The following SYNPR variants were observed in gnomAD, a reference collection of about 807,000 sequenced individuals.
SYNPR encodes the protein synaptoporin.
Under a neutral mutation model 32.9 loss-of-function variants are expected in SYNPR, and 23 were observed. That is an observed-to-expected ratio of 0.70 (90% CI 0.50 to 0.99). SYNPR has a LOEUF of 0.99. Ranked by LOEUF, SYNPR falls within the 50% of genes least tolerant of loss-of-function variation. The pLI is 0.00. For missense variants in SYNPR, 318 were observed against 349.3 expected (o/e 0.91, Z 0.71); for synonymous variants, 146 against 135.9 (o/e 1.07, Z -0.52).
chr3:63,248,494 A>C (rs2086307621), intron 1 of SYNPR, among the ~76,000 whole-genome samples: 1 of 152,122 alleles, frequency 6.6e-6, no homozygotes, highest in African/African-American at 2.4e-5. Context: ...ATAAATGGAC[A>C]CAGAGAAGGT....
intron 2 of SYNPR, among the ~76,000 whole-genome samples, chr3:63,413,334 CCA>C (rs2088494478): frequency 6.6e-6 from 1 of 152,040 alleles, no homozygotes; most frequent in South Asian, 2.1e-4. Context: ...TACCTTTTTG[CCA>C]CAGTTTGCTA....
intron 3 of SYNPR, among the ~76,000 whole-genome samples, chr3:63,488,524 G>A (rs1701198764): frequency 6.6e-6 from 1 of 152,122 alleles, no homozygotes; most frequent in South Asian, 2.1e-4. Context: ...GTGGAAGCAC[G>A]CTGGGCCCAT....
upstream of SYNPR, among the ~76,000 whole-genome samples, chr3:63,227,621 A>C (rs1398787319): frequency 6.6e-6 from 1 of 152,152 alleles, no homozygotes; most frequent in Non-Finnish European, 1.5e-5. Flanking sequence ...TATATTTGGC[A>C]TGTAGGCTTT....
At chr3:63,443,553 G>A (rs1454523644) in intron 2 of SYNPR, 6 of 1,429,034 alleles carry the variant, frequency 4.2e-6, no homozygotes, top group Non-Finnish European at 5.7e-6. Context: ...CATTTGGATT[G>A]TACACTTTTC....
chr3:63,323,589 C>A (rs1453746203), intron 2 of SYNPR, among the ~76,000 whole-genome samples: 1 of 151,800 alleles, frequency 6.6e-6, no homozygotes, highest in African/African-American at 2.4e-5. Flanking sequence ...TGATGGAAGA[C>A]TTTTGGAGAA....
intron 3 of SYNPR, among the ~76,000 whole-genome samples, chr3:63,491,557 G>A (rs1471631459): frequency 6.6e-6 from 1 of 152,156 alleles, no homozygotes; most frequent in South Asian, 2.1e-4. Context: ...GTCTTGCTCT[G>A]TCACCCAGGC....
chr3:63,387,105 C>T (rs2088056040), intron 2 of SYNPR, among the ~76,000 whole-genome samples: 1 of 152,188 alleles, frequency 6.6e-6, no homozygotes, highest in East Asian at 1.9e-4. Flanking sequence ...AAAGTGTCTT[C>T]CACTGACATA....
At chr3:63,612,943 C>CTTTTCTGT (rs1407869676) in intron 5 of SYNPR, among the ~76,000 whole-genome samples, 1 of 147,662 alleles carries the variant, frequency 6.8e-6, no homozygotes, top group Non-Finnish European at 1.5e-5. Flanking sequence ...TTCTCCTCTC[C>CTTTTCTGT]TTTTCTGTTT....
intron 3 of SYNPR, among the ~76,000 whole-genome samples, chr3:63,541,889 A>T (rs540560637): frequency 6.6e-6 from 1 of 152,174 alleles, no homozygotes; most frequent in African/African-American, 2.4e-5. Flanking sequence ...GGATGAAAAT[A>T]ACAAGCTAAA....
chr3:63,340,125 C>T (rs932301584), intron 2 of SYNPR, among the ~76,000 whole-genome samples: 1 of 152,084 alleles, frequency 6.6e-6, no homozygotes, highest in African/African-American at 2.4e-5. Flanking sequence ...AGCATAATTT[C>T]CTTCAGATCT....
intron 2 of SYNPR, among the ~76,000 whole-genome samples, chr3:63,462,448 A>G (rs1700601481): frequency 6.6e-6 from 1 of 152,172 alleles, no homozygotes; most frequent in Admixed American, 6.5e-5. Flanking sequence ...TTTAAGAAAA[A>G]TGTCTGCATA....
chr3:63,575,489 T>C (rs946195844), intron 4 of SYNPR, among the ~76,000 whole-genome samples: 5 of 152,158 alleles, frequency 3.3e-5, no homozygotes, highest in Admixed American at 3.3e-4. Context: ...TTAGAGATTG[T>C]AAATAAAAAT....
At chr3:63,388,669 C>T in intron 2 of SYNPR, among the ~76,000 whole-genome samples, 1 of 151,726 alleles carries the variant, frequency 6.6e-6, no homozygotes, top group East Asian at 1.9e-4. Context: ...ATCCACCCAC[C>T]TCAGCCTCCC....
chr3:63,372,547 A>G (rs1371236783), intron 2 of SYNPR, among the ~76,000 whole-genome samples: 4 of 151,710 alleles, frequency 2.6e-5, no homozygotes, highest in African/African-American at 9.7e-5. Context: ...CCTTTCCCCC[A>G]CAACCCTCAC....
chr3:63,492,143 T>A (rs1701268327), intron 3 of SYNPR, among the ~76,000 whole-genome samples: 1 of 152,112 alleles, frequency 6.6e-6, no homozygotes, highest in Non-Finnish European at 1.5e-5. Context: ...TTTCCCTTGC[T>A]CTAACCCTCC....
At chr3:63,585,710 C>T (rs1403744936) in intron 4 of SYNPR, among the ~76,000 whole-genome samples, 2 of 152,036 alleles carry the variant, frequency 1.3e-5, no homozygotes, top group African/African-American at 4.8e-5. Flanking sequence ...ATAATAATAT[C>T]TGTCATTTAT....
At chr3:63,429,147 C>T in intron 2 of SYNPR, among the ~76,000 whole-genome samples, 1 of 152,018 alleles carries the variant, frequency 6.6e-6, no homozygotes, top group East Asian at 1.9e-4. Context: ...GGTTATAATC[C>T]TGCCGGTGTA....
chr3:63,331,616 G>A (rs2106984032), intron 2 of SYNPR, among the ~76,000 whole-genome samples: 1 of 152,118 alleles, frequency 6.6e-6, no homozygotes, highest in East Asian at 1.9e-4. Flanking sequence ...AGGGGCTTGG[G>A]CTTAAATATA....
intron 3 of SYNPR, among the ~76,000 whole-genome samples, chr3:63,549,408 G>A (rs1286589861): frequency 2.0e-5 from 3 of 152,146 alleles, no homozygotes; most frequent in African/African-American, 7.2e-5. Flanking sequence ...CGCAGTACTT[G>A]CCAGTGTAGG....
Sources: allele counts gnomAD v4.1 joint callset (sites outside exome capture counted in the v4.1 genomes callset), GRCh38; gene constraint gnomAD v4.1.1; transcripts MANE v1.5; gene names NCBI Gene and HGNC (gene_info 2026-07-23, HGNC 2026-07-21).